The following NOTCH2 variants were observed in gnomAD, a reference collection of about 807,000 sequenced individuals.
NOTCH2 encodes notch receptor 2, also known as neurogenic locus notch homolog protein 2.
In NOTCH2, 29 loss-of-function variants were observed where a neutral mutation model predicts 235.8. The ratio of observed to expected loss-of-function variants is 0.12; its 90% confidence interval spans 0.09 to 0.17. The LOEUF is 0.17. Ranked by LOEUF, NOTCH2 falls within the 10% of genes least tolerant of loss-of-function variation. NOTCH2 has a pLI of 1.00. For synonymous variants in NOTCH2, 1,086 were observed against 1,141.5 expected, an observed-to-expected ratio of 0.95 and a Z score of 0.98; for missense variants, 2,285 against 3,150.2, an observed-to-expected ratio of 0.73 and a Z score of 6.57.
Position 119,915,101 on chromosome 1 carries a change from A to G in NOTCH2, c.*205T>C. 1.6e-6 allele frequency: 1 copy of G among 615,132 alleles called. No homozygotes were observed. Among genetic ancestry groups the G allele is most frequent in the South Asian group, 1.9e-5 (1 of 51,998 alleles). The allele number at this position is 615,132 out of a possible 1,614,324, so 38.1% of individuals were successfully genotyped here. ...CATTTCCACAAACTTGTCTTATTAG[A>G]TTAGAATAATCAATAAGCCTTGCAG... On this transcript the variant is annotated 3_prime_UTR_variant, in exon 34 of 34. Transcript: ENST00000256646.
chr1:120,025,795 C>T (rs868958328), intron 2 of NOTCH2, among the ~76,000 whole-genome samples: 32 of 81,474 alleles, frequency 3.9e-4, no homozygotes, highest in Admixed American at 1.1e-3. Flanking sequence ...CATAACCTAA[C>T]CTACCCCCAG....
chr1:119,980,039 C>T (rs782248578), intron 5 of NOTCH2, among the ~76,000 whole-genome samples: 4 of 152,192 alleles, frequency 2.6e-5, no homozygotes, highest in African/African-American at 7.2e-5. Flanking sequence ...CTTATGTTCT[C>T]GCTCTTTCCT....
chr1:119,966,634 A>G (rs1186019033), intron 8 of NOTCH2, 145 bp from the exon 9 acceptor site: 8 of 701,194 alleles, frequency 1.1e-5, no homozygotes, highest in East Asian at 2.7e-5. Context: ...ATGATGAGAA[A>G]TAGTCACTCC....
intron 1 of NOTCH2, among the ~76,000 whole-genome samples, chr1:120,064,592 G>A (rs1476479326): frequency 6.6e-6 from 1 of 151,944 alleles, no homozygotes; most frequent in Non-Finnish European, 1.5e-5. Flanking sequence ...GACAAGTTCT[G>A]TAGTACAGAG....
At chr1:119,928,229 G>A (rs1649538405) in intron 23 of NOTCH2, among the ~76,000 whole-genome samples, 1 of 152,192 alleles carries the variant, frequency 6.6e-6, no homozygotes, top group African/African-American at 2.4e-5. Flanking sequence ...GCCCTGTGAT[G>A]AAAGAAAGAA....
chr1:119,955,358 G>A (rs782724247), intron 12 of NOTCH2, 126 bp from the exon 13 acceptor site: 5 of 890,784 alleles, frequency 5.6e-6, no homozygotes, highest in African/African-American at 1.6e-5. Flanking sequence ...GGCACCAAAT[G>A]TCAAGATGTA....
chr1:119,982,006 C>G (rs1030543752), intron 5 of NOTCH2, among the ~76,000 whole-genome samples: 5 of 151,752 alleles, frequency 3.3e-5, no homozygotes, highest in African/African-American at 1.2e-4. Context: ...AATTCATCAC[C>G]AGCTAGAGGC....
intron 3 of NOTCH2, chr1:120,005,117 A>T: frequency 1.3e-6 from 1 of 783,846 alleles, no homozygotes; most frequent in Non-Finnish European, 2.1e-6. Flanking sequence ...CAGTCAAAGT[A>T]TTTGGTACTT....
chr1:119,918,659 C>A, intron 31 of NOTCH2, 106 bp from the exon 32 acceptor site: 1 of 1,131,652 alleles, frequency 8.8e-7, no homozygotes, highest in East Asian at 2.4e-5. Context: ...GTGTAGATTC[C>A]TGGAGGAGAG....
Position 119,948,435 on chromosome 1 carries a change from C to T in NOTCH2, c.2731G>A (p.Asp911Asn), listed in dbSNP as rs1353475244. The T allele has an allele frequency of 1.9e-6, 3 of 1,614,210 alleles. No individual in the cohort carries two copies. The highest frequency in any genetic ancestry group is 2.5e-6 in the Non-Finnish European group (3 of 1,180,050). Reference sequence around the variant, plus strand: ...TCACTGGCAAGGCAGTCATCAATGTCCTCCTCACAGTCCATACCACTGAAG... The same window carrying T: ...TCACTGGCAAGGCAGTCATCAATGTTCTCCTCACAGTCCATACCACTGAAG... The part of the protein sequence containing the change: ...PGFSGMDCEE[D>N]IDDCLANPCQ... Residue 911 changes from aspartate to asparagine, a missense_variant, in exon 17 of 34, where the codon GAC (aspartate) becomes AAC (asparagine). Transcript: ENST00000256646.
intron 5 of NOTCH2, among the ~76,000 whole-genome samples, chr1:119,970,698 G>A (rs1169052954): frequency 6.6e-6 from 1 of 152,014 alleles, no homozygotes; most frequent in African/African-American, 2.4e-5. Flanking sequence ...CCAGGAATCT[G>A]TGATTAACAA....
intron 3 of NOTCH2, among the ~76,000 whole-genome samples, chr1:119,998,630 T>A (rs1481186454): frequency 2.0e-5 from 3 of 152,074 alleles, no homozygotes; most frequent in Admixed American, 1.3e-4. Context: ...CTTTTTGTTG[T>A]CATTAGTCTA....
chr1:119,951,016 T>A (rs1650450807), intron 14 of NOTCH2, among the ~76,000 whole-genome samples, 179 bp from the exon 15 acceptor site: 1 of 152,240 alleles, frequency 6.6e-6, no homozygotes, highest in Admixed American at 6.5e-5. Context: ...AGTCAGTAAA[T>A]GACAGCAATT....
intron 1 of NOTCH2, among the ~76,000 whole-genome samples, chr1:120,037,013 T>A (rs587612398): frequency 1.3e-5 from 2 of 152,204 alleles, no homozygotes; most frequent in East Asian, 3.9e-4. Context: ...CAGCCTTCAA[T>A]GTGTTTTACT....
Position 119,914,388 on chromosome 1 carries a change from G to A in NOTCH2, c.*918C>T, listed in dbSNP as rs1648992310. ...TTCTGGTTTTAAAAAAGTGGGGAGG[G>A]TCATAGTAACTAGACTATCAAGGAT... On this transcript the variant is annotated 3_prime_UTR_variant, in exon 34 of 34. Transcript: ENST00000256646. 16 of 232,998 alleles carry A rather than the reference G, an allele frequency of 6.9e-5. No homozygotes were observed. In the East Asian group the frequency reaches 9.1e-4, roughly 13 times the overall value. 14.4% of individuals were successfully genotyped at this position (232,998 alleles called of 1,614,324 possible).
At chr1:119,928,164 T>C (rs1451985977) in intron 23 of NOTCH2, among the ~76,000 whole-genome samples, 1 of 152,204 alleles carries the variant, frequency 6.6e-6, no homozygotes, top group Non-Finnish European at 1.5e-5. Context: ...CAGAAGTAAC[T>C]AGTAAGTTCT....
chr1:119,986,961 T>C lies in NOTCH2; in HGVS notation c.873A>G (p.Thr291=). 1 of 1,613,570 alleles carries C rather than the reference T, an allele frequency of 6.2e-7. No homozygotes were observed. The highest frequency in any genetic ancestry group is 8.5e-7 in the Non-Finnish European group (1 of 1,179,556). ...TYNCRCPPQW[T]GQFCTEDVDE... Reference sequence around the variant, plus strand: ...GTGGATTCTCCACACTGTACATACCTGTCCATTGTGGGGGACAGCGGCAGT... The same window carrying C: ...GTGGATTCTCCACACTGTACATACCCGTCCATTGTGGGGGACAGCGGCAGT... Residue 291 remains threonine (T), a splice_region_variant and synonymous_variant, in exon 5 of 34, where the codon ACA becomes ACG. Coordinates refer to ENST00000256646, the MANE Select transcript of NOTCH2 (RefSeq NM_024408.4).
chr1:119,916,415 A>T lies in NOTCH2; in HGVS notation c.6307T>A (p.Ser2103Thr), dbSNP rs779311707. The T allele has an allele frequency of 2.4e-5, 39 of 1,613,938 alleles. No homozygotes were observed. The Admixed American group carries it at 6.5e-4, about 27-fold the overall frequency. ...SLKHTPMGKK[S>T]RRPSAKSTMP... The stretch of plus-strand genomic sequence containing the variant: ...GTACTCTTGGCACTGGGCCGTCTAG[A>T]CTTCTTGCCCATTGGGGTGTGCTTC... Residue 2103 changes from serine (S) to threonine (T), a missense_variant, in exon 34 of 34, where the codon TCT becomes ACT. Transcript: ENST00000256646.
At chr1:119,949,711 T>A (rs782612965) in intron 15 of NOTCH2, among the ~76,000 whole-genome samples, 1 of 152,048 alleles carries the variant, frequency 6.6e-6, no homozygotes, top group African/African-American at 2.4e-5. Context: ...GGGGAAAAAG[T>A]AACAATGTGC....
Sources: gnomAD v4.1 joint callset for allele counts (sites outside exome capture counted in the v4.1 genomes callset) on GRCh38, gnomAD v4.1.1 for gene constraint, MANE v1.5 for transcripts, NCBI Gene and HGNC (gene_info 2026-07-23, HGNC 2026-07-21) for gene names.